ACSM2B: variants seen among roughly 807,000 people sequenced by gnomAD.
The protein encoded by ACSM2B is acyl-coenzyme A synthetase ACSM2B, mitochondrial.
In ACSM2B, 58 loss-of-function variants were observed where a neutral mutation model predicts 78.6. The observed-to-expected ratio is 0.74, with a 90% confidence interval of 0.60 to 0.92. The LOEUF (loss-of-function observed/expected upper bound fraction) is 0.92. ACSM2B is among the 40% of genes least tolerant of loss of function. ACSM2B has a pLI of 0.00. For synonymous variants in ACSM2B, 257 were observed against 256.8 expected, an observed-to-expected ratio of 1.00 and a Z score of -0.01; for missense variants, 688 against 711.2, an observed-to-expected ratio of 0.97 and a Z score of 0.37.
intron 1 of ACSM2B, among the ~76,000 whole-genome samples, chr16:20,567,408 ATAATATATAATATAGTATAT>A (rs1426083682): frequency 8.4e-6 from 1 of 119,116 alleles, no homozygotes; most frequent in African/African-American, 3.4e-5. Flanking sequence ...AATATATTAT[ATAATATATAATATAGTATAT>A]TAATATATAA....
chr16:20,546,306 T>C (rs2015140398), intron 9 of ACSM2B, 88 bp downstream of exon 9: 1 of 1,507,000 alleles, frequency 6.6e-7, no homozygotes, highest in Admixed American at 2.0e-5. Flanking sequence ...CTTTCTATTA[T>C]TTTTGACTCA....
rs1211993848 is a variant in ACSM2B, at chr16:20,567,344, T to G, written c.-8-2491A>C. Among the ~76,000 whole-genome samples the G allele has an allele frequency of 3.0e-5, 3 of 98,850 alleles. No individual in the cohort carries two copies. In the East Asian group the frequency reaches 1.4e-3, roughly 47 times the overall value. 64.8% of individuals were successfully genotyped at this position (98,850 alleles called of 152,430 possible). ...GTAATATACAGTATAATATTATATA[T>G]AAATATATTATATATTATATATTAT... On this transcript the variant is annotated intron_variant, in intron 1 of 13. Transcript: ENST00000329697.
intron 3 of ACSM2B, among the ~76,000 whole-genome samples, chr16:20,557,084 A>G (rs929389314): frequency 5.8e-4 from 88 of 152,174 alleles, no homozygotes; most frequent in African/African-American, 2.0e-3. Context: ...AGTTTGTGAA[A>G]GAGGTTGCTG....
Position 20,543,237 on chromosome 16 carries a change from T to C in ACSM2B, c.1307A>G (p.Asn436Ser). The change falls in exon 11 of 14, where the codon AAC (asparagine) becomes AGC (serine). Residue 436 changes from asparagine to serine, a missense_variant. Coordinates refer to ENST00000329697, the MANE Select transcript of ACSM2B (RefSeq NM_001105069.2). ...YVENPDKTAA[N>S]IRGDFWLLGD... ...AAGGAGCCAAAAGTCTCCTCGAATG[T>C]TGGCTGCTGTCTTGTCGGGATTTTC... 1 of 1,613,784 alleles carries C rather than the reference T, an allele frequency of 6.2e-7. No homozygotes were observed. Among genetic ancestry groups the C allele is most frequent in the Non-Finnish European group, 8.5e-7 (1 of 1,179,880 alleles).
intron 1 of ACSM2B, among the ~76,000 whole-genome samples, chr16:20,569,782 C>A (rs1176333190): frequency 2.0e-5 from 3 of 151,594 alleles, no homozygotes; most frequent in Non-Finnish European, 4.4e-5. Flanking sequence ...TTGAATAGGT[C>A]TTTGGTTAGG....
chr16:20,573,130 G>T (rs2016139239), intron 1 of ACSM2B, among the ~76,000 whole-genome samples: 1 of 151,696 alleles, frequency 6.6e-6, no homozygotes, highest in African/African-American at 2.4e-5. Flanking sequence ...GGGGGGAGGT[G>T]TTAAACAGCC....
At chr16:20,568,344 T>C (rs1446699364) in intron 1 of ACSM2B, among the ~76,000 whole-genome samples, 1 of 145,550 alleles carries the variant, frequency 6.9e-6, no homozygotes, top group African/African-American at 2.5e-5. Context: ...GTATATAATA[T>C]ATCATATATC....
At position 20,546,489 on chromosome 16, in the gene ACSM2B, A is replaced by AG. The variant is rs1477404853; in HGVS notation, c.1099-16dup. On this transcript the variant is annotated splice_polypyrimidine_tract_variant and intron_variant, in intron 8 of 13. Transcript: ENST00000329697. ...CAAGTTAATCCCTGTGGAAAGAAGC[A>AG]GACAGATCAGCAAACCTCAGGAGGA... 1 of 1,585,892 alleles carries AG rather than the reference A, an allele frequency of 6.3e-7. No individual in the cohort carries two copies. The highest frequency in any genetic ancestry group is 1.4e-5 in the African/African-American group (1 of 73,474).
At chr16:20,556,217 G>A (rs781778647) in intron 3 of ACSM2B, among the ~76,000 whole-genome samples, 5 of 151,688 alleles carry the variant, frequency 3.3e-5, no homozygotes, top group Non-Finnish European at 5.9e-5. Flanking sequence ...TCCTTGCACA[G>A]ATATATCCCA....
chr16:20,575,106 G>C (rs2016208108), intron 1 of ACSM2B, among the ~76,000 whole-genome samples: 3 of 151,612 alleles, frequency 2.0e-5, no homozygotes, highest in South Asian at 4.2e-4. Context: ...ATTAGAATTA[G>C]AGTCCTTAGT....
chr16:20,571,959 A>G (rs1204340247), intron 1 of ACSM2B, among the ~76,000 whole-genome samples: 1 of 151,240 alleles, frequency 6.6e-6, no homozygotes, highest in Non-Finnish European at 1.5e-5. Context: ...AGTTTATGTG[A>G]GTTCTTGTGT....
At chr16:20,567,644 A>G (rs2015963900) in intron 1 of ACSM2B, among the ~76,000 whole-genome samples, 1 of 137,052 alleles carries the variant, frequency 7.3e-6, no homozygotes. Context: ...ATCTATATAT[A>G]CTATGCTATT....
chr16:20,553,463 C>T (rs1464199866), intron 5 of ACSM2B, among the ~76,000 whole-genome samples: 1 of 152,178 alleles, frequency 6.6e-6, no homozygotes, highest in Non-Finnish European at 1.5e-5. Context: ...AAGCAAATTG[C>T]CAGCATCCCA....
In ACSM2B at chr16:20,540,519, A is replaced by G. The variant is rs566177550; in HGVS notation, c.1629+135T>C. ...TGGCCTTCCAAAGTGCTGGGATTGCAGGTGTCAGCCACCATGTCCGGCCCA... is the reference window on the plus strand; with the variant it reads ...TGGCCTTCCAAAGTGCTGGGATTGCGGGTGTCAGCCACCATGTCCGGCCCA... On this transcript the variant is annotated intron_variant, in intron 13 of 13. Transcript: ENST00000329697. The G allele has an allele frequency of 9.6e-4, 1,382 of 1,441,044 alleles. 10 individuals carry two copies. In the African/African-American group the frequency reaches 0.018, roughly 19 times the overall value. 89.3% of individuals were successfully genotyped at this position (1,441,044 alleles called of 1,614,324 possible).
At position 20,542,661 on chromosome 16, in the gene ACSM2B, G is replaced by T. The variant is rs369494031; in HGVS notation, c.1509+253C>A. 184 of 486,990 alleles carry T rather than the reference G, an allele frequency of 3.8e-4. 1 individual carries two copies. The highest frequency in any genetic ancestry group is 1.4e-3 in the East Asian group (40 of 29,048). The allele number at this position is 486,990 out of a possible 1,614,324, so 30.2% of individuals were successfully genotyped here. ...ATATGGTAGTTCTGTTTAGTTTTTTGAGAAATCACCATACTTAAGTACTTT... is the reference window on the plus strand; with the variant it reads ...ATATGGTAGTTCTGTTTAGTTTTTTTAGAAATCACCATACTTAAGTACTTT... On this transcript the variant is annotated intron_variant, in intron 12 of 13. Transcript: ENST00000329697.
intron 1 of ACSM2B, among the ~76,000 whole-genome samples, chr16:20,567,868 G>T: frequency 7.2e-6 from 1 of 138,094 alleles, no homozygotes; most frequent in South Asian, 2.2e-4. Flanking sequence ...ATTATATATA[G>T]ATATATACTA....
chr16:20,562,711 G>A (rs1299850555), intron 2 of ACSM2B, among the ~76,000 whole-genome samples: 1 of 152,118 alleles, frequency 6.6e-6, no homozygotes, highest in Non-Finnish European at 1.5e-5. Context: ...TATAAGCATA[G>A]TTAAGCAATA....
chr16:20,537,381 G>A lies in ACSM2B; in HGVS notation c.1630-19C>T. 6.2e-7 allele frequency: 1 copy of A among 1,612,478 alleles called. No homozygotes were observed. Among genetic ancestry groups the A allele is most frequent in the Non-Finnish European group, 8.5e-7 (1 of 1,178,536 alleles). On this transcript the variant is annotated intron_variant, in intron 13 of 13. Transcript: ENST00000329697. ...ACTCTATCTGTTGAAAAACAAATCAGTCCAGGGTGGGTGATCTGTGATGAC... is the reference window on the plus strand; with the variant it reads ...ACTCTATCTGTTGAAAAACAAATCAATCCAGGGTGGGTGATCTGTGATGAC...
At chr16:20,570,894 AT>A (rs2016074584) in intron 1 of ACSM2B, among the ~76,000 whole-genome samples, 1 of 151,522 alleles carries the variant, frequency 6.6e-6, no homozygotes, top group African/African-American at 2.4e-5. Flanking sequence ...GATCTTTTGT[AT>A]TTCTGTGGTA....
Sources: allele counts gnomAD v4.1 joint callset (sites outside exome capture counted in the v4.1 genomes callset), GRCh38; gene constraint gnomAD v4.1.1; transcripts MANE v1.5; gene names NCBI Gene and HGNC (gene_info 2026-07-23, HGNC 2026-07-21).